AGTPBP1: variants seen among roughly 807,000 people sequenced by gnomAD.
The protein encoded by AGTPBP1 is ATP/GTP binding carboxypeptidase 1.
AGTPBP1 carries 70 observed loss-of-function variants against 143.9 expected under a neutral mutation model. The ratio of observed to expected loss-of-function variants is 0.49; its 90% CI spans 0.40 to 0.59. The LOEUF (loss-of-function observed/expected upper bound fraction) is 0.59. Among genes scored for constraint, AGTPBP1 ranks in the 20% least tolerant of loss-of-function variants. AGTPBP1 has a pLI of 0.00. For synonymous variants in AGTPBP1, 463 were observed against 500.2 expected (o/e 0.93, Z 0.99); for missense variants, 1,229 against 1,464.5 (o/e 0.84, Z 2.62).
At chr9:85,561,650 G>C (rs1826734145) in intron 25 of AGTPBP1, among the ~76,000 whole-genome samples, 1 of 151,974 alleles carries the variant, frequency 6.6e-6, no homozygotes, top group Non-Finnish European at 1.5e-5. Flanking sequence ...AGAGAAAAAA[G>C]AGCAGGGGGT....
the AGTPBP1 span, among the ~76,000 whole-genome samples, chr9:85,759,364 G>C: frequency 6.6e-6 from 1 of 152,176 alleles, no homozygotes; most frequent in East Asian, 1.9e-4. Context: ...TGACCACATA[G>C]TTGGAAGTAA....
At chr9:85,689,389 G>A (rs1336291918) in intron 3 of AGTPBP1, among the ~76,000 whole-genome samples, 1 of 152,060 alleles carries the variant, frequency 6.6e-6, no homozygotes, top group Non-Finnish European at 1.5e-5. Flanking sequence ...GTGAGCCTGG[G>A]TGTAGGGGTT....
chr9:85,669,338 T>A, intron 8 of AGTPBP1, 147 bp downstream of exon 8: 1 of 462,064 alleles, frequency 2.2e-6, no homozygotes, highest in East Asian at 3.5e-5. Context: ...AGAAAATCTT[T>A]ATCATGATAA....
chr9:85,665,528 C>G (rs767389382), intron 8 of AGTPBP1, among the ~76,000 whole-genome samples: 1 of 152,144 alleles, frequency 6.6e-6, no homozygotes, highest in Non-Finnish European at 1.5e-5. Flanking sequence ...AATATAATAA[C>G]TTACATGCAA....
At chr9:85,783,723 C>T in the AGTPBP1 span, among the ~76,000 whole-genome samples, 371 of 152,232 alleles carry the variant, frequency 2.4e-3, 1 homozygote, top group African/African-American at 8.0e-3. Flanking sequence ...CAGCCTCTAC[C>T]TCCAAGGTTC....
At chr9:85,792,366 A>G in the AGTPBP1 span, 1 of 152,204 alleles carries the variant, frequency 6.6e-6, no homozygotes, top group Admixed American at 6.5e-5. Flanking sequence ...CTTTTTCTAG[A>G]TGGGAATAAT....
chr9:85,601,386 T>TC lies in AGTPBP1; in HGVS notation c.2336-4938dup, dbSNP rs1829659883. Among the ~76,000 whole-genome samples, 9 of 152,020 alleles carry TC rather than the reference T, an allele frequency of 5.9e-5. No individual in the cohort carries two copies. The South Asian group carries it at 1.9e-3, about 32-fold the overall frequency. Reference sequence around the variant, plus strand: ...CCTGCCTGGCCTGGCTCCCCCACCATCCCCAATACCAGAGCATACCTGGGA... The same window carrying TC: ...CCTGCCTGGCCTGGCTCCCCCACCATCCCCCAATACCAGAGCATACCTGGGA... On this transcript the variant is annotated intron_variant, in intron 17 of 25. Transcript: ENST00000357081.
chr9:85,756,320 A>C, the AGTPBP1 span: 1 of 1,422,832 alleles, frequency 7.0e-7, no homozygotes, highest in South Asian at 1.8e-5. Flanking sequence ...GATGGCTATA[A>C]TCAGAAAAAC....
chr9:85,573,355 C>A (rs1293210504), intron 25 of AGTPBP1, among the ~76,000 whole-genome samples: 1 of 152,242 alleles, frequency 6.6e-6, no homozygotes, highest in Non-Finnish European at 1.5e-5. Flanking sequence ...ATCCGCCAGC[C>A]TTGGCCTCCC....
intron 25 of AGTPBP1, among the ~76,000 whole-genome samples, chr9:85,573,343 T>G (rs920197231): frequency 2.0e-5 from 3 of 152,140 alleles, no homozygotes; most frequent in Admixed American, 1.3e-4. Flanking sequence ...TAACCGCGAG[T>G]GATCCGCCAG....
intron 2 of AGTPBP1, 129 bp from the exon 3 acceptor site, chr9:85,692,942 T>C: frequency 1.0e-6 from 1 of 996,582 alleles, no homozygotes; most frequent in East Asian, 2.6e-5. Flanking sequence ...CGCACTTCCT[T>C]ACTCTGTTCT....
At chr9:85,781,934 G>A in the AGTPBP1 span, among the ~76,000 whole-genome samples, 46 of 152,168 alleles carry the variant, frequency 3.0e-4, no homozygotes, top group Non-Finnish European at 4.9e-4. Context: ...AATATATTGC[G>A]ATGATTAAAA....
At chr9:85,706,044 T>C (rs1836974364) in intron 2 of AGTPBP1, among the ~76,000 whole-genome samples, 1 of 151,240 alleles carries the variant, frequency 6.6e-6, no homozygotes, top group Admixed American at 6.6e-5. Flanking sequence ...AGATAGACTA[T>C]GATAAGTATA....
Position 85,586,904 on chromosome 9 carries a change from G to A in AGTPBP1, c.2960C>T (p.Pro987Leu), listed in dbSNP as rs755981511. The change falls in exon 22 of 26, where the codon CCG becomes CTG. Residue 987 changes from proline (P) to leucine (L), a missense_variant. Transcript: ENST00000357081. The part of the protein sequence containing the change: ...DLNRQWQSPS[P>L]DLHPTIYHAK... ...ATGGTAAATTGTAGGATGTAAATCC[G>A]GACTTGGACTTTGCCACTGCCTATT... The A allele has an allele frequency of 2.2e-5, 35 of 1,613,826 alleles. No individual in the cohort carries two copies. Among genetic ancestry groups the A allele is most frequent in the Admixed American group, 3.3e-5 (2 of 60,002 alleles).
intron 8 of AGTPBP1, among the ~76,000 whole-genome samples, chr9:85,665,850 T>G (rs777325884): frequency 6.6e-6 from 1 of 152,188 alleles, no homozygotes; most frequent in African/African-American, 2.4e-5. Flanking sequence ...CAAAGTCATT[T>G]GTAAATTTTT....
Position 85,585,055 on chromosome 9 carries a change from CAT to C in AGTPBP1, c.3165+406_3165+407del, listed in dbSNP as rs1202368357. On this transcript the variant is annotated intron_variant, in intron 23 of 25. Coordinates refer to ENST00000357081, the MANE Select transcript of AGTPBP1 (RefSeq NM_001330701.2). ...GAACAAGAAAGGAAAATTTGCCCTA[CAT>C]GATATCAATATTAATTATAAGCCTA... Among the ~76,000 whole-genome samples the C allele has an allele frequency of 4.6e-5, 7 of 152,260 alleles. No individual in the cohort carries two copies. In the East Asian group the frequency reaches 1.3e-3, roughly 29 times the overall value.
chr9:85,794,131 C>CAT, the AGTPBP1 span, among the ~76,000 whole-genome samples: 1 of 151,990 alleles, frequency 6.6e-6, no homozygotes, highest in Non-Finnish European at 1.5e-5. Flanking sequence ...TCTGAGCTCA[C>CAT]ATATATATAA....
At chr9:85,786,582 C>G in the AGTPBP1 span, 7 of 1,612,326 alleles carry the variant, frequency 4.3e-6, no homozygotes, top group Non-Finnish European at 5.9e-6. Context: ...AAAACTTAGA[C>G]ATTGAATAAT....
rs539909453 is a variant in AGTPBP1 at position 85,669,671 on chromosome 9, A to AT, written c.569-94dup. 1.4e-4 allele frequency: 105 copies of AT among 724,894 alleles called. No individual in the cohort carries two copies. The African/African-American group carries it at 1.8e-3, about 13-fold the overall frequency. The allele number at this position is 724,894 out of a possible 1,614,324, so 44.9% of individuals were successfully genotyped here. ...GATACATAGGCAAAAACATATACAA[A>AT]TTGTTTAGTAAATGTCAACTCAAGT... On this transcript the variant is annotated intron_variant, in intron 7 of 25. Transcript: ENST00000357081.
Sources: gnomAD v4.1 joint callset for allele counts (sites outside exome capture counted in the v4.1 genomes callset) on GRCh38, gnomAD v4.1.1 for gene constraint, MANE v1.5 for transcripts, NCBI Gene and HGNC (gene_info 2026-07-23, HGNC 2026-07-21) for gene names.